CACNG3: variants seen among roughly 807,000 people sequenced by gnomAD.
CACNG3 encodes the protein voltage-dependent calcium channel gamma-3 subunit.
A neutral mutation model predicts 28.5 loss-of-function variants in CACNG3; 3 were observed. That is an observed-to-expected ratio of 0.11 (90% CI 0.05 to 0.27). CACNG3 has a LOEUF of 0.27. Among genes scored for constraint, CACNG3 ranks in the 10% least tolerant of loss-of-function variants. The pLI is 1.00. For missense variants in CACNG3, 236 were observed against 414.4 expected, an observed-to-expected ratio of 0.57 and a Z score of 3.74; for synonymous variants, 174 against 162.2, an observed-to-expected ratio of 1.07 and a Z score of -0.55.
At chr16:24,288,158 T>C (rs1229334022) in intron 1 of CACNG3, among the ~76,000 whole-genome samples, 1 of 152,162 alleles carries the variant, frequency 6.6e-6, no homozygotes, top group Admixed American at 6.6e-5. Context: ...CAGGATAACT[T>C]TGCTAGGATT....
At position 24,283,234 on chromosome 16, in the gene CACNG3, C is replaced by T. The variant is rs181306916; in HGVS notation, c.211+26269C>T. ...CTAGCAAATATTCTAACTATTCTGT[C>T]TCATTGTAGGATATTGAGATATTAA... On this transcript the variant is annotated intron_variant, in intron 1 of 3. Coordinates refer to ENST00000005284, the MANE Select transcript of CACNG3 (RefSeq NM_006539.4). 2.2e-4 allele frequency among the ~76,000 whole-genome samples: 33 copies of T among 152,210 alleles called. 1 individual carries two copies. The highest frequency in any genetic ancestry group is 2.2e-3 in the Admixed American group (33 of 15,282).
chr16:24,276,943 T>A (rs1427742638), intron 1 of CACNG3, among the ~76,000 whole-genome samples: 1 of 152,188 alleles, frequency 6.6e-6, no homozygotes, highest in Non-Finnish European at 1.5e-5. Flanking sequence ...TTCTAACCTA[T>A]AATTAAAGAC....
intron 1 of CACNG3, among the ~76,000 whole-genome samples, chr16:24,320,292 G>A (rs569142369): frequency 3.3e-5 from 5 of 152,096 alleles, no homozygotes; most frequent in Non-Finnish European, 4.4e-5. Context: ...TAACACCCCC[G>A]GGCAGCACCC....
In CACNG3 at chr16:24,328,190, G is replaced by C. The variant is rs1899583444; in HGVS notation, c.212-18544G>C. Among the ~76,000 whole-genome samples, 5 of 152,004 alleles carry C rather than the reference G, an allele frequency of 3.3e-5. No homozygotes were observed. The South Asian group carries it at 1.0e-3, about 32-fold the overall frequency. On this transcript the variant is annotated intron_variant, in intron 1 of 3. Coordinates refer to ENST00000005284, the MANE Select transcript of CACNG3 (RefSeq NM_006539.4). ...CACAGGGTGTGGTGCTGTGAGGGCAGATTATTGGATGGCATCAGCCTGGGG... is the reference window on the plus strand; with the variant it reads ...CACAGGGTGTGGTGCTGTGAGGGCACATTATTGGATGGCATCAGCCTGGGG...
chr16:24,328,457 A>G (rs1019759016), intron 1 of CACNG3, among the ~76,000 whole-genome samples: 1 of 150,558 alleles, frequency 6.6e-6, no homozygotes, highest in East Asian at 1.9e-4. Flanking sequence ...TGCCCAAGAT[A>G]CCTGCAGACA....
rs937809173 is a variant in CACNG3 at position 24,361,801 on chromosome 16, C to T, written c.886C>T (p.Pro296Ser). 1.2e-6 allele frequency: 2 copies of T among 1,613,860 alleles called. No individual in the cohort carries two copies. The highest frequency in any genetic ancestry group is 1.3e-5 in the African/African-American group (1 of 74,906). Residue 296 changes from proline to serine, a missense_variant, in exon 4 of 4, where the codon CCC becomes TCC. Physicochemically the swap from Pro to Ser is moderately conservative, Grantham distance 74. Transcript: ENST00000005284. This position sits in a 1 kb window ranked among gnomAD's most constrained non-coding sequence, Gnocchi z 6.8. The part of the protein sequence containing the change: ...HAFLQFHNST[P>S]KEFKESLHNN... The stretch of plus-strand genomic sequence containing the variant: ...TTTTCTACAGTTCCACAATTCCACA[C>T]CCAAAGAGTTCAAAGAGTCACTGCA...
intron 1 of CACNG3, among the ~76,000 whole-genome samples, chr16:24,304,539 G>A (rs74947421): frequency 0.014 from 2,194 of 152,066 alleles, 54 homozygotes; most frequent in African/African-American, 0.048. Context: ...CTGGGAGTGC[G>A]CTAACTTGAC....
At chr16:24,287,165 C>G (rs1027559607) in intron 1 of CACNG3, among the ~76,000 whole-genome samples, 1 of 152,180 alleles carries the variant, frequency 6.6e-6, no homozygotes, top group Admixed American at 6.5e-5. Context: ...ACACTGGTCA[C>G]CCTTGGTTTG....
chr16:24,265,775 T>A (rs1898601974), intron 1 of CACNG3, among the ~76,000 whole-genome samples: 1 of 152,226 alleles, frequency 6.6e-6, no homozygotes, highest in Non-Finnish European at 1.5e-5. Flanking sequence ...CAATAAAAAA[T>A]TTATAGAAAC....
At position 24,299,938 on chromosome 16, in the gene CACNG3, G is replaced by GCACA. The variant is rs71943943; in HGVS notation, c.211+42992_211+42995dup. ...CATGCATGGATGCACACATGCACAC[G>GCACA]CACACACACACACACACACACATAC... On this transcript the variant is annotated intron_variant, in intron 1 of 3. Coordinates refer to ENST00000005284, the MANE Select transcript of CACNG3 (RefSeq NM_006539.4). 5.5e-4 allele frequency among the ~76,000 whole-genome samples: 81 copies of GCACA among 147,426 alleles called. 4 individuals are homozygous for GCACA. Among genetic ancestry groups the GCACA allele is most frequent in the East Asian group, 1.6e-3 (8 of 5,034 alleles).
chr16:24,334,781 G>T (rs1180328185), intron 1 of CACNG3, among the ~76,000 whole-genome samples: 1 of 152,210 alleles, frequency 6.6e-6, no homozygotes, highest in Non-Finnish European at 1.5e-5. Context: ...ATGGCAGGTT[G>T]GTCTAGGTCT....
intron 1 of CACNG3, among the ~76,000 whole-genome samples, chr16:24,332,834 G>A (rs1160901416): frequency 6.6e-6 from 1 of 151,958 alleles, no homozygotes; most frequent in Non-Finnish European, 1.5e-5. Context: ...TCTGCAATTC[G>A]CGGTTTTTGT....
intron 1 of CACNG3, among the ~76,000 whole-genome samples, chr16:24,313,448 C>G (rs952910674): frequency 2.6e-5 from 4 of 152,104 alleles, no homozygotes; most frequent in Admixed American, 2.6e-4. Flanking sequence ...GAGTTCCTTT[C>G]GGCACTTTTA....
intron 1 of CACNG3, among the ~76,000 whole-genome samples, chr16:24,302,770 G>A (rs150206185): frequency 4.6e-5 from 7 of 151,904 alleles, no homozygotes; most frequent in East Asian, 3.9e-4. Flanking sequence ...AATGATTCTC[G>A]TGCCTCAGCT....
Position 24,280,098 on chromosome 16 carries a change from T to C in CACNG3, c.211+23133T>C, listed in dbSNP as rs11864861. ...ATTAGCTAAGGTTCCGTGTGACAGATGAACTGATGTTAAAAGTCTGAATGC... is the reference window on the plus strand; with the variant it reads ...ATTAGCTAAGGTTCCGTGTGACAGACGAACTGATGTTAAAAGTCTGAATGC... On this transcript the variant is annotated intron_variant, in intron 1 of 3. Transcript: ENST00000005284. Among the ~76,000 whole-genome samples, 995 of 152,314 alleles carry C rather than the reference T, an allele frequency of 6.5e-3. 10 individuals carry two copies. The highest frequency in any genetic ancestry group is 0.022 in the African/African-American group (915 of 41,562).
In CACNG3 at chr16:24,325,401, A is replaced by T. The variant is rs115549911; in HGVS notation, c.212-21333A>T. 2.3e-3 allele frequency among the ~76,000 whole-genome samples: 357 copies of T among 152,288 alleles called. 2 individuals are homozygous for T. Among genetic ancestry groups the T allele is most frequent in the African/African-American group, 8.2e-3 (339 of 41,546 alleles). On this transcript the variant is annotated intron_variant, in intron 1 of 3. Coordinates refer to ENST00000005284, the MANE Select transcript of CACNG3 (RefSeq NM_006539.4). Reference sequence around the variant, plus strand: ...CATTCAGCAGAGTCACCCACCACCAACCTTTAGCCCACTCTATTCTCCCAC... The same window carrying T: ...CATTCAGCAGAGTCACCCACCACCATCCTTTAGCCCACTCTATTCTCCCAC...
chr16:24,353,810 G>A (rs911143599), intron 2 of CACNG3, among the ~76,000 whole-genome samples: 6 of 152,198 alleles, frequency 3.9e-5, no homozygotes, highest in Admixed American at 2.0e-4. Context: ...GAAAGATTCT[G>A]CATTTTAATG....
chr16:24,312,543 C>T (rs1212291090), intron 1 of CACNG3, among the ~76,000 whole-genome samples: 1 of 152,030 alleles, frequency 6.6e-6, no homozygotes, highest in African/African-American at 2.4e-5. Flanking sequence ...TGGCCAGGCA[C>T]GGTGGCTCAC....
chr16:24,341,530 T>G (rs1261609501), intron 1 of CACNG3, among the ~76,000 whole-genome samples: 1 of 152,230 alleles, frequency 6.6e-6, no homozygotes, highest in Non-Finnish European at 1.5e-5. Flanking sequence ...ATGTGTAAAG[T>G]GCTGAGAACA....
Sources: gnomAD v4.1 joint callset for allele counts (sites outside exome capture counted in the v4.1 genomes callset) on GRCh38, gnomAD v4.1.1 for gene constraint, Gnocchi (gnomAD v3.1) non-coding constraint, MANE v1.5 for transcripts, NCBI Gene and HGNC (gene_info 2026-07-23, HGNC 2026-07-21) for gene names.